ACSF2: variants seen among roughly 807,000 people sequenced by gnomAD.
ACSF2 encodes medium-chain acyl-CoA ligase ACSF2, mitochondrial.
A neutral mutation model predicts 79.3 loss-of-function variants in ACSF2; 52 were observed. The observed-to-expected ratio is 0.66, with a 90% CI of 0.53 to 0.83. The LOEUF (loss-of-function observed/expected upper bound fraction) is 0.83. Among genes scored for constraint, ACSF2 ranks in the 40% least tolerant of loss-of-function variants. ACSF2 has a pLI of 0.00. For missense variants in ACSF2, 661 were observed against 803.3 expected, an observed-to-expected ratio of 0.82 and a Z score of 2.14; for synonymous variants, 283 against 312.6, an observed-to-expected ratio of 0.91 and a Z score of 1.00.
Position 50,474,578 on chromosome 17 carries a change from G to A in ACSF2, c.*26G>A, listed in dbSNP as rs370948216. ...ATAAAGCAGCAGGCCTGTCCTGGCC[G>A]GTTGGCTTGACTCTCTCCTGTCAGA... On this transcript the variant is annotated 3_prime_UTR_variant, in exon 16 of 16. Transcript: ENST00000300441. The surrounding 1 kb of genome is among the most constrained non-coding windows in gnomAD (Gnocchi z 4.2). 6.6e-5 allele frequency: 106 copies of A among 1,612,866 alleles called. No homozygotes were observed. The highest frequency in any genetic ancestry group is 7.6e-5 in the Non-Finnish European group (90 of 1,179,256).
At position 50,471,096 on chromosome 17, in the gene ACSF2, G is replaced by A. The variant is rs764202500; in HGVS notation, c.1284G>A (p.Gln428=). 17 of 1,613,940 alleles carry A rather than the reference G, an allele frequency of 1.1e-5. No homozygotes were observed. The highest frequency in any genetic ancestry group is 8.5e-7 in the Non-Finnish European group (1 of 1,180,000). Residue 428 remains glutamine, a synonymous_variant, in exon 11 of 16, where the codon CAG becomes CAA. Transcript: ENST00000300441. The surrounding 1 kb of genome is among the most constrained non-coding windows in gnomAD (Gnocchi z 4.1). ...FAHFPEDTVE[Q]KAESVGRIMP... is the part of the protein sequence containing the mutation. ...ACTTCCCTGAGGACACTGTGGAGCA[G>A]AAGGCAGAAAGCGTGGGCAGAATTA...
chr17:50,472,166 C>A, intron 11 of ACSF2: 1 of 469,498 alleles, frequency 2.1e-6, no homozygotes, highest in Non-Finnish European at 3.7e-6. Flanking sequence ...TTTGCAGCAG[C>A]TGCCTGCCCA....
intron 6 of ACSF2, 100 bp downstream of exon 6, chr17:50,462,685 C>T (rs1488439837): frequency 7.3e-7 from 1 of 1,378,952 alleles, no homozygotes; most frequent in African/African-American, 1.4e-5. Flanking sequence ...GAGAGCATGC[C>T]TTCTTTACTG....
chr17:50,440,028 G>C (rs756208626), intron 1 of ACSF2, among the ~76,000 whole-genome samples: 1 of 151,962 alleles, frequency 6.6e-6, no homozygotes, highest in Non-Finnish European at 1.5e-5. Context: ...TTAATCCTTT[G>C]TCTCATATAT....
At chr17:50,466,006 A>C in intron 10 of ACSF2, 1 of 812,656 alleles carries the variant, frequency 1.2e-6, no homozygotes, top group South Asian at 1.6e-5. Context: ...TTTTCAAAGC[A>C]GTATGACCAA....
intron 1 of ACSF2, among the ~76,000 whole-genome samples, chr17:50,457,965 C>G (rs1032989522): frequency 1.3e-5 from 2 of 152,184 alleles, no homozygotes; most frequent in Admixed American, 6.5e-5. Context: ...GTCCACTCCC[C>G]AGAAGCTCTG....
chr17:50,472,202 T>C, intron 11 of ACSF2: 1 of 520,928 alleles, frequency 1.9e-6, no homozygotes, highest in Non-Finnish European at 3.3e-6. Context: ...CCTCCCAGCC[T>C]GGGACTCAGC....
Position 50,464,121 on chromosome 17 carries a change from G to C in ACSF2, c.1139-97G>C, listed in dbSNP as rs113892952. 5.8e-5 allele frequency: 83 copies of C among 1,418,876 alleles called. 2 individuals carry two copies. The African/African-American group carries it at 8.3e-4, about 14-fold the overall frequency. The allele number at this position is 1,418,876 out of a possible 1,614,324, so 87.9% of individuals were successfully genotyped here. A position where few individuals can be genotyped will look rare whatever the true frequency, so the allele number is the denominator to read the frequency against. On this transcript the variant is annotated intron_variant, in intron 9 of 15. Coordinates refer to ENST00000300441, the MANE Select transcript of ACSF2 (RefSeq NM_025149.6). The stretch of plus-strand genomic sequence containing the variant: ...GTAGGAAAGGCTCGGGGTCAGAGGA[G>C]AAAAGGGAATGTTCCTCCCCTGAAT...
intron 1 of ACSF2, among the ~76,000 whole-genome samples, chr17:50,440,626 C>T (rs1179329070): frequency 1.3e-5 from 2 of 152,218 alleles, no homozygotes; most frequent in Non-Finnish European, 2.9e-5. Context: ...ACCTCTAGCC[C>T]CCGACTTTAG....
At chr17:50,468,502 C>G (rs1567862101) in intron 10 of ACSF2, 2 of 1,614,248 alleles carry the variant, frequency 1.2e-6, no homozygotes, top group African/African-American at 2.7e-5. Flanking sequence ...GGGACAGGTA[C>G]AAGTAGATAA....
intron 1 of ACSF2, among the ~76,000 whole-genome samples, chr17:50,455,709 C>T (rs1270194594): frequency 3.3e-5 from 5 of 152,172 alleles, no homozygotes; most frequent in Admixed American, 6.5e-5. Flanking sequence ...TAGCTAAAAC[C>T]AAGGGTGGGC....
In ACSF2 at chr17:50,461,704, G is replaced by T; in HGVS notation, c.507+18G>T. The stretch of plus-strand genomic sequence containing the variant: ...TCAAGAAGGTACAGCTCATTTGTCG[G>T]GGAGGGGCCCGGCTGGGGCCTGGCA... On this transcript the variant is annotated intron_variant, in intron 4 of 15. Transcript: ENST00000300441. 1 of 1,613,980 alleles carries T rather than the reference G, an allele frequency of 6.2e-7. No homozygotes were observed. Among genetic ancestry groups the T allele is most frequent in the African/African-American group, 1.3e-5 (1 of 75,026 alleles).
At chr17:50,470,574 G>A (rs1235792934) in intron 10 of ACSF2, among the ~76,000 whole-genome samples, 1 of 152,134 alleles carries the variant, frequency 6.6e-6, no homozygotes, top group Non-Finnish European at 1.5e-5. Context: ...ACTCCTAGCT[G>A]GGCCAAGGCA....
intron 1 of ACSF2, among the ~76,000 whole-genome samples, chr17:50,443,160 A>G (rs1411524554): frequency 6.6e-6 from 1 of 152,002 alleles, no homozygotes; most frequent in Non-Finnish European, 1.5e-5. Context: ...CGTCCACCTC[A>G]GCCTCCCAAA....
chr17:50,430,403 C>T (rs1170941852), intron 1 of ACSF2, among the ~76,000 whole-genome samples: 3 of 152,202 alleles, frequency 2.0e-5, no homozygotes, highest in Admixed American at 6.5e-5. Context: ...TGCAGTGGCT[C>T]ACACCTGTAA....
chr17:50,439,049 T>A (rs2030667743), intron 1 of ACSF2, among the ~76,000 whole-genome samples: 1 of 152,022 alleles, frequency 6.6e-6, no homozygotes, highest in Non-Finnish European at 1.5e-5. Flanking sequence ...TTTTTGTGTA[T>A]CAATAAACAA....
At position 50,474,101 on chromosome 17, in the gene ACSF2, C is replaced by A; in HGVS notation, c.1728+97C>A. ...AGGGTGGGGATTGCTCTGCCCTTGA[C>A]GAAGCTGACTCCTGGCCAGGCCAGC... On this transcript the variant is annotated intron_variant, in intron 14 of 15. Transcript: ENST00000300441. This position sits in a 1 kb window ranked among gnomAD's most constrained non-coding sequence, Gnocchi z 4.2. The A allele has an allele frequency of 6.3e-7, 1 of 1,585,764 alleles. No homozygotes were observed. Among genetic ancestry groups the A allele is most frequent in the Non-Finnish European group, 8.6e-7 (1 of 1,158,262 alleles).
chr17:50,474,590 T>C lies in ACSF2; in HGVS notation c.*38T>C. ...GCCTGTCCTGGCCGGTTGGCTTGAC[T>C]CTCTCCTGTCAGAATGCAACCTGGC... On this transcript the variant is annotated 3_prime_UTR_variant, in exon 16 of 16. Coordinates refer to ENST00000300441, the MANE Select transcript of ACSF2 (RefSeq NM_025149.6). The surrounding 1 kb of genome is among the most constrained non-coding windows in gnomAD (Gnocchi z 4.2). 6.2e-7 allele frequency: 1 copy of C among 1,605,560 alleles called. No individual in the cohort carries two copies. Among genetic ancestry groups the C allele is most frequent in the Non-Finnish European group, 8.5e-7 (1 of 1,172,626 alleles).
intron 12 of ACSF2, 24 bp from the exon 13 acceptor site, chr17:50,473,641 G>T (rs1237965866): frequency 1.2e-6 from 2 of 1,613,900 alleles, no homozygotes; most frequent in African/African-American, 2.7e-5. Flanking sequence ...GAGATGACAG[G>T]TTGCCCCTGG....
Sources: gnomAD v4.1 joint callset for allele counts (sites outside exome capture counted in the v4.1 genomes callset) on GRCh38, gnomAD v4.1.1 for gene constraint, Gnocchi (gnomAD v3.1) non-coding constraint, MANE v1.5 for transcripts, NCBI Gene and HGNC (gene_info 2026-07-23, HGNC 2026-07-21) for gene names.